Variants in PLGRKT observed in about 807,000 individuals in gnomAD.
The protein encoded by PLGRKT is plasminogen receptor (KT).
PLGRKT carries 22 observed loss-of-function variants against 18.5 expected under a neutral mutation model. The ratio of observed to expected loss-of-function variants is 1.19; its 90% CI spans 0.85 to 1.70. The LOEUF (loss-of-function observed/expected upper bound fraction) is 1.70. PLGRKT is among the 40% of genes most tolerant of loss of function. PLGRKT has a pLI of 0.00. For missense variants in PLGRKT, 235 were observed against 174.4 expected, an observed-to-expected ratio of 1.35 and a Z score of -1.96; for synonymous variants, 72 against 52.8, an observed-to-expected ratio of 1.36 and a Z score of -1.58.
At chr9:5,378,777 A>C (rs1817681099) in intron 3 of PLGRKT, among the ~76,000 whole-genome samples, 1 of 152,216 alleles carries the variant, frequency 6.6e-6, no homozygotes, top group Admixed American at 6.5e-5. Flanking sequence ...AATTATAAAT[A>C]ATAATGGTAG....
Position 5,371,093 on chromosome 9 carries a change from G to A in PLGRKT, c.82-9205C>T, listed in dbSNP as rs12341823. ...AACATAATTACATCCATTCTTACGC[G>A]TACATGTAACATCTTATTATAAACA... On this transcript the variant is annotated intron_variant, in intron 3 of 5. Coordinates refer to ENST00000223864, the MANE Select transcript of PLGRKT (RefSeq NM_018465.4). 3.6e-3 allele frequency among the ~76,000 whole-genome samples: 544 copies of A among 152,160 alleles called. 3 individuals carry two copies. The highest frequency in any genetic ancestry group is 8.4e-3 in the African/African-American group (348 of 41,506).
At chr9:5,410,199 A>G (rs759580789) in intron 3 of PLGRKT, among the ~76,000 whole-genome samples, 3 of 152,204 alleles carry the variant, frequency 2.0e-5, no homozygotes, top group Non-Finnish European at 2.9e-5. Context: ...ACTACATTAT[A>G]CAATCTGTGC....
chr9:5,371,552 G>A (rs988560766), intron 3 of PLGRKT, among the ~76,000 whole-genome samples: 1 of 152,182 alleles, frequency 6.6e-6, no homozygotes, highest in East Asian at 1.9e-4. Flanking sequence ...CTCCTGCCAG[G>A]ATTCTGAGAC....
chr9:5,433,990 C>G (rs564723965), intron 2 of PLGRKT, among the ~76,000 whole-genome samples: 1 of 147,994 alleles, frequency 6.8e-6, no homozygotes, highest in Admixed American at 6.7e-5. Flanking sequence ...GCCCGGCTGC[C>G]CCGTCTGGGA....
At chr9:5,390,058 G>T (rs1817918670) in intron 3 of PLGRKT, among the ~76,000 whole-genome samples, 1 of 151,698 alleles carries the variant, frequency 6.6e-6, no homozygotes, top group African/African-American at 2.4e-5. Flanking sequence ...AAATCTAGTG[G>T]AGTCAAAGGA....
intron 5 of PLGRKT, 83 bp from the exon 6 acceptor site, chr9:5,358,443 C>G (rs1330758985): frequency 1.7e-6 from 2 of 1,205,202 alleles, no homozygotes; most frequent in East Asian, 2.4e-5. Flanking sequence ...TATTCCTTGA[C>G]AGGCTCTAAC....
intron 3 of PLGRKT, among the ~76,000 whole-genome samples, chr9:5,394,906 G>T (rs1363410490): frequency 1.3e-5 from 2 of 151,758 alleles, no homozygotes; most frequent in African/African-American, 4.9e-5. Flanking sequence ...TGACTGCAAC[G>T]GAGCCTCAGG....
intron 2 of PLGRKT, among the ~76,000 whole-genome samples, chr9:5,433,766 G>A (rs530234030): frequency 1.5e-4 from 20 of 132,704 alleles, no homozygotes; most frequent in East Asian, 7.3e-4. Flanking sequence ...CGGCTGCCCC[G>A]TCTGGGATGT....
At chr9:5,374,140 T>C (rs919931855) in intron 3 of PLGRKT, among the ~76,000 whole-genome samples, 3 of 152,230 alleles carry the variant, frequency 2.0e-5, no homozygotes, top group African/African-American at 7.2e-5. Context: ...TATTTCTAAC[T>C]GTCCTTTGGG....
intron 3 of PLGRKT, among the ~76,000 whole-genome samples, chr9:5,372,668 A>G (rs974130497): frequency 5.3e-5 from 8 of 152,168 alleles, no homozygotes; most frequent in African/African-American, 1.9e-4. Context: ...TACAAGAGCT[A>G]ATGTCGTCTC....
intron 2 of PLGRKT, among the ~76,000 whole-genome samples, chr9:5,434,306 TG>T (rs1818910866): frequency 7.9e-6 from 1 of 126,538 alleles, no homozygotes; most frequent in African/African-American, 3.1e-5. Flanking sequence ...CCGCCCCGTC[TG>T]GGAAGTGGGC....
intron 1 of PLGRKT, among the ~76,000 whole-genome samples, chr9:5,437,257 A>C (rs1486523254): frequency 6.6e-6 from 1 of 152,178 alleles, no homozygotes; most frequent in Non-Finnish European, 1.5e-5. Context: ...GGGGGACATA[A>C]AAAATTAATT....
chr9:5,407,166 T>C (rs1054734550), intron 3 of PLGRKT, among the ~76,000 whole-genome samples: 2 of 152,204 alleles, frequency 1.3e-5, no homozygotes, highest in African/African-American at 4.8e-5. Flanking sequence ...TGTACAATGA[T>C]TGACAATCAA....
At chr9:5,410,128 T>C (rs1818334238) in intron 3 of PLGRKT, among the ~76,000 whole-genome samples, 1 of 152,240 alleles carries the variant, frequency 6.6e-6, no homozygotes, top group African/African-American at 2.4e-5. Flanking sequence ...TACCTATTCA[T>C]TTTTCTATTT....
intron 3 of PLGRKT, among the ~76,000 whole-genome samples, chr9:5,386,795 G>C (rs948733854): frequency 6.6e-6 from 1 of 151,792 alleles, no homozygotes; most frequent in African/African-American, 2.4e-5. Flanking sequence ...CATTCATTAT[G>C]GGCATAAAAA....
chr9:5,388,310 A>G (rs962893567), intron 3 of PLGRKT, among the ~76,000 whole-genome samples: 5 of 151,872 alleles, frequency 3.3e-5, no homozygotes, highest in African/African-American at 1.2e-4. Context: ...AAGGAGGGAG[A>G]GATCAACTGT....
chr9:5,423,877 GTAATATAGTC>G (rs373250424), intron 3 of PLGRKT, among the ~76,000 whole-genome samples: 29 of 140,976 alleles, frequency 2.1e-4, no homozygotes, highest in African/African-American at 3.2e-4. Context: ...TAATATATAT[GTAATATAGTC>G]TATAATATAT....
chr9:5,392,703 G>A lies in PLGRKT; in HGVS notation c.82-30815C>T, dbSNP rs1027794301. The stretch of plus-strand genomic sequence containing the variant: ...TCCTTACTGGGTGATCATAAAATAA[G>A]AGAATACATAAAATGTTCAGACTAG... On this transcript the variant is annotated intron_variant, in intron 3 of 5. Coordinates refer to ENST00000223864, the MANE Select transcript of PLGRKT (RefSeq NM_018465.4). 2.4e-4 allele frequency: 37 copies of A among 151,804 alleles called. 2 individuals are homozygous for A. The highest frequency in any genetic ancestry group is 8.5e-4 in the African/African-American group (35 of 41,176). 9.4% of individuals were successfully genotyped at this position (151,804 alleles called of 1,614,324 possible). A position where few individuals can be genotyped will look rare whatever the true frequency, so the allele number is the denominator to read the frequency against.
At chr9:5,421,950 T>G (rs886327330) in intron 3 of PLGRKT, among the ~76,000 whole-genome samples, 1 of 152,164 alleles carries the variant, frequency 6.6e-6, no homozygotes, top group African/African-American at 2.4e-5. Context: ...CAAAAGTTAT[T>G]TGGTAAATTG....
Sources: allele counts gnomAD v4.1 joint callset (sites outside exome capture counted in the v4.1 genomes callset), GRCh38; gene constraint gnomAD v4.1.1; transcripts MANE v1.5; gene names NCBI Gene and HGNC (gene_info 2026-07-23, HGNC 2026-07-21).